The following HMCN1 variants were observed in gnomAD, a reference collection of about 807,000 sequenced individuals.
HMCN1 encodes hemicentin-1.
A neutral mutation model predicts 625.9 loss-of-function variants in HMCN1; 321 were observed. That is an observed-to-expected ratio of 0.51 (90% CI 0.47 to 0.56). HMCN1 has a LOEUF of 0.56. Ranked by LOEUF, HMCN1 falls within the 20% of genes least tolerant of loss-of-function variation. HMCN1 has a pLI of 0.00. For missense variants in HMCN1, 6,588 were observed against 6,887.3 expected, an observed-to-expected ratio of 0.96 and a Z score of 1.54; for synonymous variants, 2,425 against 2,417.6, an observed-to-expected ratio of 1.00 and a Z score of -0.09.
intron 42 of HMCN1, among the ~76,000 whole-genome samples, chr1:186,052,142 AAGAG>A (rs146696201): frequency 1.3e-4 from 20 of 150,048 alleles, no homozygotes; most frequent in African/African-American, 3.9e-4. Flanking sequence ...AGATGGTAAA[AAGAG>A]AGAGAGAGAG....
intron 100 of HMCN1, among the ~76,000 whole-genome samples, 198 bp from the exon 101 acceptor site, chr1:186,171,139 A>G (rs1376805260): frequency 6.6e-6 from 1 of 152,200 alleles, no homozygotes; most frequent in Non-Finnish European, 1.5e-5. Context: ...GTCTACTTTT[A>G]AGAGTATTGA....
At chr1:186,164,145 C>G (rs969116300) in intron 97 of HMCN1, among the ~76,000 whole-genome samples, 5 of 152,198 alleles carry the variant, frequency 3.3e-5, no homozygotes, top group Non-Finnish European at 4.4e-5. Context: ...TACCACCCCC[C>G]TGCATGAGCA....
At chr1:185,948,589 T>C (rs1447319561) in intron 11 of HMCN1, among the ~76,000 whole-genome samples, 4 of 151,348 alleles carry the variant, frequency 2.6e-5, no homozygotes, top group Admixed American at 2.0e-4. Context: ...TACACTTCTT[T>C]TGTGGTGGAA....
chr1:185,735,119 T>C (rs1232550950), intron 1 of HMCN1, 72 bp downstream of exon 1: 23 of 1,505,644 alleles, frequency 1.5e-5, no homozygotes, highest in Non-Finnish European at 1.8e-5. Flanking sequence ...GTGAATGAAA[T>C]TGTTTGTCAG....
intron 48 of HMCN1, 114 bp downstream of exon 48, chr1:186,062,714 T>C (rs1657793395): frequency 2.8e-6 from 2 of 722,010 alleles, no homozygotes; most frequent in Admixed American, 4.0e-5. Context: ...TGCGGTTTTG[T>C]TACATGGATA....
intron 104 of HMCN1, among the ~76,000 whole-genome samples, chr1:186,179,948 C>A (rs1652841473): frequency 6.6e-6 from 1 of 152,048 alleles, no homozygotes; most frequent in Non-Finnish European, 1.5e-5. Context: ...TTTTTTCCAG[C>A]ACTTTTCTGT....
intron 23 of HMCN1, 42 bp downstream of exon 23, chr1:185,993,351 G>A (rs780484660): frequency 1.9e-6 from 3 of 1,608,762 alleles, no homozygotes; most frequent in African/African-American, 2.7e-5. Context: ...CTGTGGACTG[G>A]CCACACAAAA....
intron 11 of HMCN1, among the ~76,000 whole-genome samples, chr1:185,957,365 C>T (rs899985816): frequency 2.6e-5 from 4 of 152,178 alleles, no homozygotes; most frequent in Non-Finnish European, 5.9e-5. Context: ...TGAGTTGATA[C>T]AGTGGCTGCT....
chr1:186,081,392 C>G lies in HMCN1; in HGVS notation c.8785C>G (p.Gln2929Glu). 2.5e-6 allele frequency: 4 copies of G among 1,605,258 alleles called. No individual in the cohort carries two copies. The highest frequency in any genetic ancestry group is 3.4e-6 in the Non-Finnish European group (4 of 1,172,272). ...ATTTCTATCTAATGGACGAATTCTG[C>G]AGGTAAAAGTAAAGAAAGATCTAAT... ...HKFLSNGRIL[Q>E]ILNTQITDIG... The change falls in exon 56 of 107, where the codon CAG becomes GAG. Residue 2929 changes from glutamine to glutamate, a missense_variant and splice_region_variant. Transcript: ENST00000271588.
intron 22 of HMCN1, among the ~76,000 whole-genome samples, chr1:185,992,430 T>G (rs939398832): frequency 6.6e-6 from 1 of 152,196 alleles, no homozygotes; most frequent in African/African-American, 2.4e-5. Context: ...ATTTTGTAAA[T>G]AATATCAGGT....
At chr1:185,881,245 C>T (rs563286590) in intron 4 of HMCN1, among the ~76,000 whole-genome samples, 9 of 152,194 alleles carry the variant, frequency 5.9e-5, no homozygotes, top group South Asian at 2.1e-4. Context: ...GTTGCATGAA[C>T]GAAATGAAGG....
At chr1:186,120,307 G>T (rs781285180) in intron 80 of HMCN1, among the ~76,000 whole-genome samples, 162 bp downstream of exon 80, 2 of 152,174 alleles carry the variant, frequency 1.3e-5, no homozygotes, top group Non-Finnish European at 2.9e-5. Flanking sequence ...TATGAAGAAA[G>T]TTTAATGTAT....
Position 186,151,570 on chromosome 1 carries a change from T to C in HMCN1, c.14759-36T>C, listed in dbSNP as rs1308216124. On this transcript the variant is annotated intron_variant, in intron 94 of 106. Coordinates refer to ENST00000271588, the MANE Select transcript of HMCN1 (RefSeq NM_031935.3). ...GAAGACAATAAAATAGACTAAAAAT[T>C]TTGCTATCACCTTATTTATCCTTTT... The C allele has an allele frequency of 2.5e-6, 4 of 1,588,996 alleles. No individual in the cohort carries two copies. In the African/African-American group the frequency reaches 4.1e-5, roughly 16 times the overall value.
chr1:185,951,950 G>C (rs372715621), intron 11 of HMCN1, among the ~76,000 whole-genome samples: 6 of 151,678 alleles, frequency 4.0e-5, no homozygotes, highest in African/African-American at 1.5e-4. Context: ...TTTGAGGGCC[G>C]GAATTTAATT....
intron 11 of HMCN1, among the ~76,000 whole-genome samples, chr1:185,952,949 GGTT>G (rs1649335658): frequency 6.6e-6 from 1 of 151,622 alleles, no homozygotes; most frequent in Non-Finnish European, 1.5e-5. Context: ...AGAGATAAGA[GGTT>G]GGGGTGCAGA....
At chr1:185,881,670 C>T (rs1362331139) in intron 4 of HMCN1, among the ~76,000 whole-genome samples, 1 of 152,154 alleles carries the variant, frequency 6.6e-6, no homozygotes, top group African/African-American at 2.4e-5. Flanking sequence ...CCTCCTGCCC[C>T]TATCACAGTG....
At chr1:186,154,441 G>A (rs1382216243) in intron 97 of HMCN1, among the ~76,000 whole-genome samples, 3 of 152,070 alleles carry the variant, frequency 2.0e-5, no homozygotes, top group Non-Finnish European at 4.4e-5. Flanking sequence ...AGAATTGCTT[G>A]AACCCAGGAG....
chr1:186,188,044 G>A, intron 106 of HMCN1, 35 bp downstream of exon 106: 2 of 1,613,158 alleles, frequency 1.2e-6, no homozygotes, highest in South Asian at 2.2e-5. Context: ...ACATGCTTTT[G>A]AAAATCCTTC....
chr1:185,770,660 G>C (rs1656181258), intron 1 of HMCN1, among the ~76,000 whole-genome samples: 1 of 152,118 alleles, frequency 6.6e-6, no homozygotes, highest in Admixed American at 6.6e-5. Flanking sequence ...CCAATAAACT[G>C]TTTCTAAGTT....
Sources: gnomAD v4.1 joint callset for allele counts (sites outside exome capture counted in the v4.1 genomes callset) on GRCh38, gnomAD v4.1.1 for gene constraint, MANE v1.5 for transcripts, NCBI Gene and HGNC (gene_info 2026-07-23, HGNC 2026-07-21) for gene names.